The following TMEM255B variants were observed in gnomAD, a reference collection of about 807,000 sequenced individuals.
TMEM255B encodes the protein family with sequence similarity 70, member B.
A neutral mutation model predicts 34.5 loss-of-function variants in TMEM255B; 35 were observed. The observed-to-expected ratio is 1.01, with a 90% CI of 0.77 to 1.34. TMEM255B has a LOEUF of 1.34. TMEM255B is among the 40% of genes most tolerant of loss of function. The pLI is 0.00. For missense variants in TMEM255B, 432 were observed against 433.2 expected (o/e 1.00, Z 0.02); for synonymous variants, 206 against 201.2 (o/e 1.02, Z -0.20).
rs1223349049 is a variant in TMEM255B, at chr13:113,816,628, G to A, written c.*4725G>A. ...AGACTTGGGGACCCCGTGGCCACCA[G>A]ACCCCGCGGTGGGAGCAGAGATGCC... On this transcript the variant is annotated 3_prime_UTR_variant, in exon 9 of 9. Coordinates refer to ENST00000375353, the MANE Select transcript of TMEM255B (RefSeq NM_182614.4). 6.6e-6 allele frequency: 1 copy of A among 152,294 alleles called. No individual in the cohort carries two copies. Among genetic ancestry groups the A allele is most frequent in the Non-Finnish European group, 1.5e-5 (1 of 68,120 alleles). The allele number at this position is 152,294 out of a possible 1,614,324, so 9.4% of individuals were successfully genotyped here.
At chr13:113,777,318 C>A (rs562986178) in intron 3 of TMEM255B, among the ~76,000 whole-genome samples, 1 of 152,236 alleles carries the variant, frequency 6.6e-6, no homozygotes, top group African/African-American at 2.4e-5. Flanking sequence ...CTCTTTACAC[C>A]CAGCACACCT....
intron 6 of TMEM255B, 67 bp downstream of exon 6, chr13:113,800,979 T>TGCGC: frequency 8.7e-7 from 1 of 1,149,238 alleles, no homozygotes; most frequent in South Asian, 1.4e-5. Context: ...GACCCCCGTA[T>TGCGC]CTACACCTGC....
rs575686227 is a variant in TMEM255B, at chr13:113,792,655, C to A, written c.253-2493C>A. ...CTCATCTGTCTGTTCCTCCAGCACA[C>A]TGGGCAGCTACACCATGCGATGGGC... On this transcript the variant is annotated intron_variant, in intron 3 of 8. Coordinates refer to ENST00000375353, the MANE Select transcript of TMEM255B (RefSeq NM_182614.4). 8.5e-5 allele frequency among the ~76,000 whole-genome samples: 13 copies of A among 152,372 alleles called. No homozygotes were observed. In the East Asian group the frequency reaches 2.5e-3, roughly 29 times the overall value.
intron 4 of TMEM255B, among the ~76,000 whole-genome samples, chr13:113,798,575 T>C (rs780421779): frequency 2.8e-5 from 4 of 142,294 alleles, no homozygotes; most frequent in Non-Finnish European, 6.0e-5. Flanking sequence ...GATGGATACA[T>C]AGAAGGAGGG....
chr13:113,790,789 C>T (rs1325393062), intron 3 of TMEM255B, among the ~76,000 whole-genome samples: 2 of 106,476 alleles, frequency 1.9e-5, no homozygotes, highest in African/African-American at 3.1e-5. Context: ...TGACCGGACA[C>T]GTAGACATCC....
intron 2 of TMEM255B, among the ~76,000 whole-genome samples, chr13:113,767,113 C>A (rs981252247): frequency 6.6e-6 from 1 of 152,124 alleles, no homozygotes; most frequent in African/African-American, 2.4e-5. Flanking sequence ...ATTACTCTCA[C>A]CTAAAGTACT....
rs2050403741 is a variant in TMEM255B at position 113,767,036 on chromosome 13, C to T, written c.189+779C>T. Among the ~76,000 whole-genome samples, 2 of 152,162 alleles carry T rather than the reference C, an allele frequency of 1.3e-5. 1 individual carries two copies. Among genetic ancestry groups the T allele is most frequent in the South Asian group, 4.1e-4 (2 of 4,830 alleles). ...ATCAGCTGCGATGCCCTTCACATGC[C>T]CCAGAGCCTGGTTGCTACGTCATAA... On this transcript the variant is annotated intron_variant, in intron 2 of 8. Coordinates refer to ENST00000375353, the MANE Select transcript of TMEM255B (RefSeq NM_182614.4).
chr13:113,795,240 G>A lies in TMEM255B; in HGVS notation c.342+3G>A. ...GCGTATTTGCAGCACAGCACATTGTGAGTACATTGTCATTGTGTGCACAGT... is the reference window on the plus strand; with the variant it reads ...GCGTATTTGCAGCACAGCACATTGTAAGTACATTGTCATTGTGTGCACAGT... On this transcript the variant is annotated splice_donor_region_variant and intron_variant, in intron 4 of 8. Coordinates refer to ENST00000375353, the MANE Select transcript of TMEM255B (RefSeq NM_182614.4). 6.2e-7 allele frequency: 1 copy of A among 1,613,206 alleles called. No homozygotes were observed. Among genetic ancestry groups the A allele is most frequent in the Non-Finnish European group, 8.5e-7 (1 of 1,179,666 alleles).
intron 3 of TMEM255B, among the ~76,000 whole-genome samples, chr13:113,777,870 C>T (rs2050605161): frequency 1.3e-5 from 2 of 152,340 alleles, no homozygotes; most frequent in East Asian, 3.9e-4. Flanking sequence ...CCTTGGCTGA[C>T]CCTGTCATTC....
rs927214500 is a variant in TMEM255B, at chr13:113,806,143, A to C, written c.813+1115A>C. Among the ~76,000 whole-genome samples, 5 of 151,824 alleles carry C rather than the reference A, an allele frequency of 3.3e-5. No individual in the cohort carries two copies. Among genetic ancestry groups the C allele is most frequent in the African/African-American group, 1.2e-4 (5 of 41,310 alleles). ...GGACATCCGGGGGAGGCCTGTGCAC[A>C]CTCTGCCCTCACGTCCAGGACAGAG... On this transcript the variant is annotated intron_variant, in intron 8 of 8. Coordinates refer to ENST00000375353, the MANE Select transcript of TMEM255B (RefSeq NM_182614.4). The surrounding 1 kb of genome is among the most constrained non-coding windows in gnomAD (Gnocchi z 4.2).
intron 7 of TMEM255B, among the ~76,000 whole-genome samples, chr13:113,803,651 C>T (rs1341951699): frequency 8.4e-6 from 1 of 118,558 alleles, no homozygotes; most frequent in Non-Finnish European, 2.0e-5. Context: ...CTGCCCCTCC[C>T]TCACGGAGCA....
At chr13:113,763,407 C>T (rs2050339012) in intron 1 of TMEM255B, among the ~76,000 whole-genome samples, 2 of 152,184 alleles carry the variant, frequency 1.3e-5, no homozygotes, top group African/African-American at 2.4e-5. Context: ...TGCCCACTTG[C>T]TCCCAGCGTG....
intron 3 of TMEM255B, among the ~76,000 whole-genome samples, chr13:113,794,425 C>G (rs565939362): frequency 6.6e-6 from 1 of 152,222 alleles, no homozygotes; most frequent in East Asian, 1.9e-4. Context: ...CCCGAGCCGA[C>G]AACTCATCCA....
At chr13:113,759,437 G>T (rs1467237823) in intron 1 of TMEM255B, 122 bp downstream of exon 1, 11 of 899,184 alleles carry the variant, frequency 1.2e-5, no homozygotes, top group Non-Finnish European at 1.6e-5. Flanking sequence ...CACGGGGTCT[G>T]GTCCCTCCGC....
chr13:113,779,943 C>T (rs1355257438), intron 3 of TMEM255B, among the ~76,000 whole-genome samples: 1 of 152,134 alleles, frequency 6.6e-6, no homozygotes, highest in African/African-American at 2.4e-5. Context: ...CTTTATTATA[C>T]TTGGCTTAAT....
rs1379531718 is a variant in TMEM255B at position 113,816,176 on chromosome 13, G to C, written c.*4273G>C. On this transcript the variant is annotated 3_prime_UTR_variant, in exon 9 of 9. Coordinates refer to ENST00000375353, the MANE Select transcript of TMEM255B (RefSeq NM_182614.4). ...CTGGTCAGGGACACGAGTTCTTTTCGGGGAGGCAAGCGTGTTTGCAGCGTG... is the reference window on the plus strand; with the variant it reads ...CTGGTCAGGGACACGAGTTCTTTTCCGGGAGGCAAGCGTGTTTGCAGCGTG... 1 of 152,794 alleles carries C rather than the reference G, an allele frequency of 6.5e-6. No individual in the cohort carries two copies. Among genetic ancestry groups the C allele is most frequent in the Admixed American group, 6.9e-5 (1 of 14,412 alleles). 9.5% of individuals were successfully genotyped at this position (152,794 alleles called of 1,614,324 possible).
At chr13:113,811,417 C>T (rs1301830505) in intron 8 of TMEM255B, among the ~76,000 whole-genome samples, 11 of 33,666 alleles carry the variant, frequency 3.3e-4, no homozygotes, top group African/African-American at 1.2e-3. Flanking sequence ...CCTGGGTCTC[C>T]GGGGGAGGGG....
rs1042545851 is a variant in TMEM255B at position 113,780,407 on chromosome 13, A to T, written c.252+11247A>T. 3.3e-5 allele frequency among the ~76,000 whole-genome samples: 5 copies of T among 152,366 alleles called. No homozygotes were observed. The East Asian group carries it at 5.8e-4, about 18-fold the overall frequency. On this transcript the variant is annotated intron_variant, in intron 3 of 8. Coordinates refer to ENST00000375353, the MANE Select transcript of TMEM255B (RefSeq NM_182614.4). ...TAAGAATAGTCACAAATACTTTCCAAATTCTGGAGAAAATCAGGTAGAGAG... is the reference window on the plus strand; with the variant it reads ...TAAGAATAGTCACAAATACTTTCCATATTCTGGAGAAAATCAGGTAGAGAG...
rs1318061322 is a variant in TMEM255B at position 113,815,311 on chromosome 13, ACGG to A, written c.*3409_*3411del. ...ACGGAGAGAGGAAGGGACATGGGTG[ACGG>A]TCCGTCCACGTGGGGTCACCGGCCA... On this transcript the variant is annotated 3_prime_UTR_variant, in exon 9 of 9. Transcript: ENST00000375353. 2 of 151,106 alleles carry A rather than the reference ACGG, an allele frequency of 1.3e-5. No individual in the cohort carries two copies. The highest frequency in any genetic ancestry group is 4.9e-5 in the African/African-American group (2 of 40,792). The allele number at this position is 151,106 out of a possible 1,614,324, so 9.4% of individuals were successfully genotyped here. A position where few individuals can be genotyped will look rare whatever the true frequency, so the allele number is the denominator to read the frequency against.
Sources: gnomAD v4.1 joint callset for allele counts (sites outside exome capture counted in the v4.1 genomes callset) on GRCh38, gnomAD v4.1.1 for gene constraint, Gnocchi (gnomAD v3.1) non-coding constraint, MANE v1.5 for transcripts, NCBI Gene and HGNC (gene_info 2026-07-23, HGNC 2026-07-21) for gene names.